The following MYRIP variants were observed in gnomAD, a reference collection of about 807,000 sequenced individuals.
MYRIP encodes the protein rab effector MyRIP.
Under a neutral mutation model 98.0 loss-of-function variants are expected in MYRIP, and 49 were observed. That is an observed-to-expected ratio of 0.50 (90% confidence interval 0.40 to 0.63). The LOEUF (loss-of-function observed/expected upper bound fraction) is 0.63, where lower values mean the gene tolerates loss of function less well. Ranked by LOEUF, MYRIP falls within the 30% of genes least tolerant of loss-of-function variation. The pLI, the probability that MYRIP is intolerant of heterozygous loss-of-function variation, is 0.00. For missense variants in MYRIP, 1,004 were observed against 1,058.2 expected (o/e 0.95, Z 0.71); for synonymous variants, 404 against 409.5 (o/e 0.99, Z 0.16).
chr3:39,932,973 C>T (rs1477859091), intron 2 of MYRIP, among the ~76,000 whole-genome samples: 2 of 152,056 alleles, frequency 1.3e-5, no homozygotes, highest in East Asian at 3.9e-4. Flanking sequence ...ATGAGTAGGC[C>T]AGAATTTAAA....
chr3:40,013,979 A>T (rs573264071), intron 2 of MYRIP, among the ~76,000 whole-genome samples: 1 of 152,226 alleles, frequency 6.6e-6, no homozygotes, highest in Non-Finnish European at 1.5e-5. Context: ...ACTAAAATCT[A>T]TTGATGTACC....
intron 2 of MYRIP, among the ~76,000 whole-genome samples, chr3:39,996,624 C>T (rs1353396517): frequency 6.6e-5 from 10 of 152,088 alleles, no homozygotes; most frequent in Admixed American, 3.3e-4. Context: ...GACAGATCAA[C>T]GAGACAGAAA....
chr3:39,883,259 G>A (rs938008969), intron 1 of MYRIP, among the ~76,000 whole-genome samples: 4 of 152,196 alleles, frequency 2.6e-5, no homozygotes, highest in East Asian at 1.9e-4. Flanking sequence ...ACTGGATGTG[G>A]AAGGCCTGTG....
Position 40,189,950 on chromosome 3 carries a change from C to A in MYRIP, c.1152C>A (p.Ser384=). 2 of 1,614,176 alleles carry A rather than the reference C, an allele frequency of 1.2e-6. No homozygotes were observed. The highest frequency in any genetic ancestry group is 1.7e-6 in the Non-Finnish European group (2 of 1,180,034). ...CGTTTCAGGCCCTGGAGGTGGCCTC[C>A]AGTGTGGCATCTGCCTACGATGAGA... ...SGTFQALEVA[S]SVASAYDEMG... is the part of the protein sequence containing the mutation. Residue 384 remains serine (S), a synonymous_variant, in exon 10 of 17, where the codon TCC becomes TCA. Coordinates refer to ENST00000302541, the MANE Select transcript of MYRIP (RefSeq NM_015460.4).
intron 2 of MYRIP, among the ~76,000 whole-genome samples, chr3:40,040,307 A>G (rs1947481547): frequency 6.8e-6 from 1 of 146,718 alleles, no homozygotes; most frequent in African/African-American, 2.5e-5. Flanking sequence ...TAGAATGGCA[A>G]TCATTAAAAA....
At chr3:40,135,008 C>A (rs1022039255) in intron 3 of MYRIP, among the ~76,000 whole-genome samples, 2 of 152,164 alleles carry the variant, frequency 1.3e-5, no homozygotes, top group African/African-American at 4.8e-5. Flanking sequence ...AGCTCCTCAC[C>A]AGCAACGGAA....
At chr3:40,255,201 G>A (rs1178302994) in intron 16 of MYRIP, among the ~76,000 whole-genome samples, 1 of 152,196 alleles carries the variant, frequency 6.6e-6, no homozygotes, top group African/African-American at 2.4e-5. Flanking sequence ...GTCAGGGAAG[G>A]AATTGGTTAC....
intron 3 of MYRIP, among the ~76,000 whole-genome samples, chr3:40,066,626 T>C (rs1041323963): frequency 1.3e-5 from 2 of 152,202 alleles, no homozygotes; most frequent in African/African-American, 4.8e-5. Context: ...ATATCCTGGT[T>C]GAATTTTTTT....
chr3:39,981,409 T>A (rs993179247), intron 2 of MYRIP, among the ~76,000 whole-genome samples: 14 of 152,218 alleles, frequency 9.2e-5, no homozygotes, highest in African/African-American at 3.4e-4. Flanking sequence ...TACTAGTACT[T>A]CTTTTGTTAT....
intron 3 of MYRIP, among the ~76,000 whole-genome samples, chr3:40,140,226 T>C (rs1021052104): frequency 6.6e-6 from 1 of 152,226 alleles, no homozygotes; most frequent in Non-Finnish European, 1.5e-5. Context: ...TTTAACTTTG[T>C]AAGGATTCAC....
At position 40,253,609 on chromosome 3, in the gene MYRIP, G is replaced by A. The variant is rs1455390357; in HGVS notation, c.2547+1610G>A. 2.0e-5 allele frequency among the ~76,000 whole-genome samples: 3 copies of A among 152,176 alleles called. No homozygotes were observed. The East Asian group carries it at 5.8e-4, about 29-fold the overall frequency. On this transcript the variant is annotated intron_variant, in intron 16 of 16. Coordinates refer to ENST00000302541, the MANE Select transcript of MYRIP (RefSeq NM_015460.4). Reference sequence around the variant, plus strand: ...AAACTAAGATCGCACTAGTCTTAGTGAGTTAATACACATTGACCCAATAAT... The same window carrying A: ...AAACTAAGATCGCACTAGTCTTAGTAAGTTAATACACATTGACCCAATAAT...
At chr3:39,995,689 C>T (rs573650762) in intron 2 of MYRIP, among the ~76,000 whole-genome samples, 5 of 152,198 alleles carry the variant, frequency 3.3e-5, no homozygotes, top group Non-Finnish European at 5.9e-5. Flanking sequence ...CAATGAATGA[C>T]GCAAAGATAC....
intron 7 of MYRIP, among the ~76,000 whole-genome samples, chr3:40,169,137 C>T (rs1950558981): frequency 1.3e-5 from 2 of 152,138 alleles, no homozygotes; most frequent in Non-Finnish European, 2.9e-5. Flanking sequence ...CTGGCCCTAC[C>T]CACCTGCAGA....
At chr3:40,034,283 G>A (rs1045377480) in intron 2 of MYRIP, among the ~76,000 whole-genome samples, 1 of 152,074 alleles carries the variant, frequency 6.6e-6, no homozygotes, top group Non-Finnish European at 1.5e-5. Flanking sequence ...GAGTGAACAG[G>A]CCACCTACAA....
intron 2 of MYRIP, among the ~76,000 whole-genome samples, chr3:39,960,539 C>T (rs1267078852): frequency 3.3e-5 from 5 of 152,056 alleles, no homozygotes; most frequent in Admixed American, 2.6e-4. Context: ...ATTCACCAAA[C>T]AGAACTCTAA....
intron 1 of MYRIP, among the ~76,000 whole-genome samples, chr3:39,865,132 C>G (rs1217820310): frequency 1.3e-5 from 2 of 152,170 alleles, no homozygotes; most frequent in East Asian, 3.8e-4. Context: ...CCCTTCCTTA[C>G]ACTATATGCA....
intron 2 of MYRIP, among the ~76,000 whole-genome samples, chr3:40,003,023 GA>G (rs199675050): frequency 0.012 from 1,370 of 113,172 alleles, 17 homozygotes; most frequent in African/African-American, 0.038. Context: ...TACATATGTA[GA>G]TATCTATATA....
In MYRIP at chr3:39,809,614, G is replaced by A. The variant is rs1940592716; in HGVS notation, c.-333G>A. 1 of 151,580 alleles carries A rather than the reference G, an allele frequency of 6.6e-6. No individual in the cohort carries two copies. Among genetic ancestry groups the A allele is most frequent in the Non-Finnish European group, 1.5e-5 (1 of 67,796 alleles). The allele number at this position is 151,580 out of a possible 1,614,324, so 9.4% of individuals were successfully genotyped here. A position where few individuals can be genotyped will look rare whatever the true frequency, so the allele number is the denominator to read the frequency against. Reference sequence around the variant, plus strand: ...TGTCGGCGGTGGCTGCGGCCAGGCTGGCCCTGGCTGCCTGCGGCGCGGGCG... The same window carrying A: ...TGTCGGCGGTGGCTGCGGCCAGGCTAGCCCTGGCTGCCTGCGGCGCGGGCG... On this transcript the variant is annotated 5_prime_UTR_variant, in exon 1 of 17. Coordinates refer to ENST00000302541, the MANE Select transcript of MYRIP (RefSeq NM_015460.4).
intron 10 of MYRIP, among the ~76,000 whole-genome samples, chr3:40,202,275 C>A (rs9311236): frequency 0.55 from 83,850 of 151,924 alleles, 23,455 homozygotes; most frequent in Non-Finnish European, 0.6. Context: ...AAGCCCAGAG[C>A]CTAGCCTGCC....
Sources: gnomAD v4.1 joint callset for allele counts (sites outside exome capture counted in the v4.1 genomes callset) on GRCh38, gnomAD v4.1.1 for gene constraint, MANE v1.5 for transcripts, NCBI Gene and HGNC (gene_info 2026-07-23, HGNC 2026-07-21) for gene names.